PRDM15: variants seen among roughly 807,000 people sequenced by gnomAD.
PRDM15 encodes PR domain zinc finger protein 15.
A neutral mutation model predicts 128.6 loss-of-function variants in PRDM15; 64 were observed. The observed-to-expected ratio is 0.50, with a 90% CI of 0.41 to 0.61. The LOEUF (loss-of-function observed/expected upper bound fraction) is 0.61. Ranked by LOEUF, PRDM15 falls within the 20% of genes least tolerant of loss-of-function variation. The probability of loss-of-function intolerance (pLI) is 0.00; values close to 1 mark genes in which losing one functional copy is unlikely to be tolerated. For missense variants in PRDM15, 1,242 were observed against 1,569.1 expected, an observed-to-expected ratio of 0.79 and a Z score of 3.52; for synonymous variants, 615 against 621.8, an observed-to-expected ratio of 0.99 and a Z score of 0.16.
chr21:41,829,767 CCA>C (rs1286168841), intron 11 of PRDM15, among the ~76,000 whole-genome samples: 11 of 150,146 alleles, frequency 7.3e-5, no homozygotes, highest in African/African-American at 2.5e-4. Context: ...ATTCAACACA[CCA>C]CACACATATA....
At chr21:41,873,326 G>T (rs2146035780) in intron 1 of PRDM15, among the ~76,000 whole-genome samples, 1 of 152,280 alleles carries the variant, frequency 6.6e-6, no homozygotes, top group African/African-American at 2.4e-5. Context: ...GTCTGTGAAT[G>T]TCCTTATTCT....
intron 1 of PRDM15, among the ~76,000 whole-genome samples, chr21:41,860,596 T>C (rs1315039783): frequency 6.6e-6 from 1 of 152,126 alleles, no homozygotes; most frequent in Non-Finnish European, 1.5e-5. Context: ...CTAATTTTTG[T>C]ATTTTTAGCA....
Position 41,821,888 on chromosome 21 carries a change from G to C in PRDM15, c.1896+15C>G. On this transcript the variant is annotated intron_variant, in intron 15 of 23. Transcript: ENST00000398548. The surrounding 1 kb of genome is among the most constrained non-coding windows in gnomAD (Gnocchi z 5.4). ...CTCCAGACCACCCAGGCACCGCGGGGCAAACCCGCCATACCTGGCACCGCT... is the reference window on the plus strand; with the variant it reads ...CTCCAGACCACCCAGGCACCGCGGGCCAAACCCGCCATACCTGGCACCGCT... 2 of 1,613,046 alleles carry C rather than the reference G, an allele frequency of 1.2e-6. No individual in the cohort carries two copies. The highest frequency in any genetic ancestry group is 1.7e-6 in the Non-Finnish European group (2 of 1,179,988).
rs183927793 is a variant in PRDM15, at chr21:41,850,237, T to G, written c.539-3046A>C. On this transcript the variant is annotated intron_variant, in intron 5 of 23. Coordinates refer to ENST00000398548, the MANE Select transcript of PRDM15 (RefSeq NM_001040424.3). ...AGCGAGACTAAAAGGGAACAGAAGC[T>G]GGTGGGGACGGGATGTCCCATAACA... Among the ~76,000 whole-genome samples the G allele has an allele frequency of 5.4e-3, 821 of 150,952 alleles. 7 individuals carry two copies. Among genetic ancestry groups the G allele is most frequent in the South Asian group, 0.044 (210 of 4,746 alleles).
chr21:41,819,479 CCACCTT>C, intron 18 of PRDM15, 97 bp downstream of exon 18: 4 of 1,089,954 alleles, frequency 3.7e-6, no homozygotes, highest in Admixed American at 2.3e-5. Context: ...CCCGCCACAC[CCACCTT>C]CCCCACACTC....
At chr21:41,874,523 ATATTT>A (rs1452072132) in intron 1 of PRDM15, among the ~76,000 whole-genome samples, 2 of 78,742 alleles carry the variant, frequency 2.5e-5, no homozygotes, top group African/African-American at 9.6e-5. Context: ...ATATATATAT[ATATTT>A]TTTTTTTTTT....
chr21:41,825,657 G>GT (rs2062442769), intron 13 of PRDM15, among the ~76,000 whole-genome samples: 1 of 152,228 alleles, frequency 6.6e-6, no homozygotes, highest in African/African-American at 2.4e-5. Flanking sequence ...TCTCAACGAT[G>GT]CTATACAGGA....
chr21:41,835,346 T>C (rs758048216), intron 11 of PRDM15, 91 bp downstream of exon 11: 1 of 1,052,732 alleles, frequency 9.5e-7, no homozygotes, highest in East Asian at 2.4e-5. Context: ...GAAAACAATC[T>C]TTACTTTGGC....
chr21:41,860,166 T>C (rs1213757545), intron 2 of PRDM15, among the ~76,000 whole-genome samples, 161 bp downstream of exon 2: 4 of 152,352 alleles, frequency 2.6e-5, no homozygotes, highest in South Asian at 4.1e-4. Context: ...GTACTGCTTA[T>C]TAAATAAATG....
chr21:41,841,473 T>A (rs1350761836), intron 6 of PRDM15, among the ~76,000 whole-genome samples: 1 of 152,062 alleles, frequency 6.6e-6, no homozygotes, highest in African/African-American at 2.4e-5. Context: ...CTGAAAAGAT[T>A]GCCCCAGAGG....
At position 41,822,034 on chromosome 21, in the gene PRDM15, T is replaced by C; in HGVS notation, c.1765A>G (p.Ile589Val). ...RDHIHVHFKD[I>V]ALMDDHQREE... ...CTCTGGTGGTCATCCATCAACGCGA[T>C]GTCCTGGAAAACAGCCACCACTTCC... The change falls in exon 15 of 24, where the codon ATC becomes GTC. Residue 589 changes from isoleucine to valine, a missense_variant. This residue lies in a region of PRDM15 where 602 missense variants were observed against 788.3 expected (regional missense o/e 0.76). Transcript: ENST00000398548. The C allele has an allele frequency of 2.5e-6, 4 of 1,613,962 alleles. No individual in the cohort carries two copies. The highest frequency in any genetic ancestry group is 4.5e-5 in the East Asian group (2 of 44,892).
chr21:41,866,364 T>C (rs2064008338), intron 1 of PRDM15, among the ~76,000 whole-genome samples: 1 of 152,268 alleles, frequency 6.6e-6, no homozygotes, highest in Non-Finnish European at 1.5e-5. Context: ...ACAAAGCACC[T>C]AGCAAGGTTC....
intron 22 of PRDM15, among the ~76,000 whole-genome samples, chr21:41,803,675 C>A (rs2146150261): frequency 6.6e-6 from 1 of 152,244 alleles, no homozygotes; most frequent in East Asian, 1.9e-4. Flanking sequence ...CTGTGACTTG[C>A]CAAGGGTAGA....
intron 4 of PRDM15, among the ~76,000 whole-genome samples, chr21:41,856,358 A>G (rs2063635726): frequency 6.8e-6 from 1 of 146,052 alleles, no homozygotes; most frequent in Non-Finnish European, 1.5e-5. Context: ...TTTTGCTGAA[A>G]TCTGCCTTAC....
chr21:41,874,574 C>T (rs2064343077), intron 1 of PRDM15, among the ~76,000 whole-genome samples: 1 of 130,220 alleles, frequency 7.7e-6, no homozygotes, highest in Admixed American at 8.8e-5. Flanking sequence ...CAGAGGGTTA[C>T]GAGACACCTG....
chr21:41,804,537 G>C lies in PRDM15; in HGVS notation c.2730C>G (p.Val910=). 1.3e-6 allele frequency: 2 copies of C among 1,564,766 alleles called. No individual in the cohort carries two copies. The highest frequency in any genetic ancestry group is 1.7e-6 in the Non-Finnish European group (2 of 1,153,992). ...TTIDASSIGI[V]QPELTLEQED... ...CCTGGGGCCCCATGCTGCTCACCTG[G>C]ACGATGCCAATGGAGGAGGCGTCGA... Residue 910 remains valine (V), a synonymous_variant, in exon 22 of 24, where the codon GTC becomes GTG. Transcript: ENST00000398548.
chr21:41,837,357 A>T (rs2062928844), intron 8 of PRDM15, among the ~76,000 whole-genome samples: 1 of 152,278 alleles, frequency 6.6e-6, no homozygotes, highest in Non-Finnish European at 1.5e-5. Context: ...GGGCATATGC[A>T]TGATGGTATA....
At chr21:41,819,254 G>A (rs2062159646) in intron 18 of PRDM15, among the ~76,000 whole-genome samples, 1 of 152,194 alleles carries the variant, frequency 6.6e-6, no homozygotes, top group Non-Finnish European at 1.5e-5. Flanking sequence ...AGATACCTTG[G>A]TCACATCCCC....
chr21:41,865,026 C>T (rs2063953494), intron 1 of PRDM15, among the ~76,000 whole-genome samples: 1 of 151,122 alleles, frequency 6.6e-6, no homozygotes, highest in African/African-American at 2.4e-5. Flanking sequence ...GTCCCCACTC[C>T]CCACTCCCCT....
Sources: gnomAD v4.1 joint callset for allele counts (sites outside exome capture counted in the v4.1 genomes callset) on GRCh38, gnomAD v4.1.1 for gene constraint, gnomAD v4.1.1 regional missense constraint, Gnocchi (gnomAD v3.1) non-coding constraint, MANE v1.5 for transcripts, NCBI Gene and HGNC (gene_info 2026-07-23, HGNC 2026-07-21) for gene names.